GRM8: variants seen among roughly 807,000 people sequenced by gnomAD.
The protein encoded by GRM8 is glutamate metabotropic receptor 8, also known as metabotropic glutamate receptor 8.
Under a neutral mutation model 87.2 loss-of-function variants are expected in GRM8, and 47 were observed. The observed-to-expected ratio is 0.54, with a 90% confidence interval of 0.43 to 0.69. The LOEUF (loss-of-function observed/expected upper bound fraction) is 0.69, where lower values mean the gene tolerates loss of function less well. GRM8 is among the 30% of genes least tolerant of loss of function. The pLI is 0.00. For synonymous variants in GRM8, 396 were observed against 404.5 expected (o/e 0.98, Z 0.25); for missense variants, 1,019 against 1,139.2 (o/e 0.89, Z 1.52).
chr7:126,632,883 G>C (rs1026550122), intron 7 of GRM8, among the ~76,000 whole-genome samples: 1 of 152,036 alleles, frequency 6.6e-6, no homozygotes, highest in South Asian at 2.1e-4. Flanking sequence ...CCTGTCAGAT[G>C]GTAGAGGATA....
At chr7:126,990,091 A>G (rs539908373) in intron 3 of GRM8, among the ~76,000 whole-genome samples, 1 of 152,324 alleles carries the variant, frequency 6.6e-6, no homozygotes, top group Non-Finnish European at 1.5e-5. Context: ...ATTCATACAT[A>G]TATTCCACTA....
At chr7:127,143,419 T>G (rs1828383546) in intron 2 of GRM8, among the ~76,000 whole-genome samples, 1 of 152,158 alleles carries the variant, frequency 6.6e-6, no homozygotes, top group African/African-American at 2.4e-5. Context: ...TTAACTAATA[T>G]CCAGTGTGAT....
intron 7 of GRM8, among the ~76,000 whole-genome samples, chr7:126,710,920 C>T (rs1811032298): frequency 6.6e-6 from 1 of 152,168 alleles, no homozygotes; most frequent in South Asian, 2.1e-4. Flanking sequence ...TGCCTGTAAT[C>T]CCAGTATTTT....
At position 126,438,840 on chromosome 7, in the gene GRM8, C is replaced by T. The variant is rs1010505997; in HGVS notation, c.*279G>A. 1.1e-3 allele frequency: 358 copies of T among 316,824 alleles called. 8 individuals carry two copies. Among genetic ancestry groups the T allele is most frequent in the Non-Finnish European group, 2.9e-4 (49 of 171,838 alleles). 19.6% of individuals were successfully genotyped at this position (316,824 alleles called of 1,614,324 possible). Reference sequence around the variant, plus strand: ...TTTATTTCAACAGCATTTTTTTTCACGAGCTAACATTAGTTTTCCTTTTGT... The same window carrying T: ...TTTATTTCAACAGCATTTTTTTTCATGAGCTAACATTAGTTTTCCTTTTGT... On this transcript the variant is annotated 3_prime_UTR_variant, in exon 11 of 11. Coordinates refer to ENST00000339582, the MANE Select transcript of GRM8 (RefSeq NM_000845.3).
chr7:126,774,543 G>A (rs868781913), intron 6 of GRM8, among the ~76,000 whole-genome samples: 1 of 152,196 alleles, frequency 6.6e-6, no homozygotes, highest in Middle Eastern at 3.4e-3. Flanking sequence ...GAGGAAGTCA[G>A]CCTCCTAAAT....
At chr7:126,844,710 G>A (rs1395972685) in intron 6 of GRM8, among the ~76,000 whole-genome samples, 3 of 152,102 alleles carry the variant, frequency 2.0e-5, no homozygotes, top group African/African-American at 7.2e-5. Context: ...TCTCTTTCTG[G>A]TTTGCAAATG....
chr7:126,567,783 A>C (rs1794359457), intron 8 of GRM8, among the ~76,000 whole-genome samples: 1 of 152,162 alleles, frequency 6.6e-6, no homozygotes, highest in Admixed American at 6.6e-5. Context: ...GACAAAAATA[A>C]GATGTTATAT....
chr7:126,975,339 A>G (rs1278969081), intron 3 of GRM8, among the ~76,000 whole-genome samples: 1 of 152,134 alleles, frequency 6.6e-6, no homozygotes, highest in Non-Finnish European at 1.5e-5. Context: ...TCCAATCTTG[A>G]GATTTGAGGA....
chr7:127,086,007 AAT>A (rs1823436229), intron 3 of GRM8, among the ~76,000 whole-genome samples: 2 of 152,210 alleles, frequency 1.3e-5, no homozygotes, highest in African/African-American at 4.8e-5. Flanking sequence ...ACCTATTGTC[AAT>A]AGAGCGGGCC....
intron 2 of GRM8, among the ~76,000 whole-genome samples, chr7:127,129,083 G>A (rs1249806498): frequency 3.9e-5 from 6 of 152,100 alleles, no homozygotes; most frequent in South Asian, 2.1e-4. Context: ...TTCTTCCTAC[G>A]AATAAATGAT....
At position 127,244,920 on chromosome 7, in the gene GRM8, C is replaced by CA. The variant is rs974913824; in HGVS notation, c.-311-1406dup. 7.9e-4 allele frequency among the ~76,000 whole-genome samples: 120 copies of CA among 152,164 alleles called. 1 individual carries two copies. Among genetic ancestry groups the CA allele is most frequent in the African/African-American group, 2.8e-3 (116 of 41,458 alleles). The stretch of plus-strand genomic sequence containing the variant: ...CCCACTCGGCTGAGATAGTTCTGTG[C>CA]AGCCTAAGACAAGTATTCCCTGCCT... On this transcript the variant is annotated intron_variant, in intron 1 of 10. Transcript: ENST00000339582.
At chr7:126,713,141 G>A (rs936131240) in intron 7 of GRM8, among the ~76,000 whole-genome samples, 1 of 152,106 alleles carries the variant, frequency 6.6e-6, no homozygotes, top group Non-Finnish European at 1.5e-5. Context: ...AAAGACACAT[G>A]CACGTGAATG....
chr7:126,628,322 G>A (rs1800896913), intron 7 of GRM8, among the ~76,000 whole-genome samples: 1 of 152,188 alleles, frequency 6.6e-6, no homozygotes, highest in Non-Finnish European at 1.5e-5. Flanking sequence ...TAGGATTACA[G>A]GCGTGAGCCA....
chr7:126,710,073 A>G (rs1337172579), intron 7 of GRM8, among the ~76,000 whole-genome samples: 1 of 152,232 alleles, frequency 6.6e-6, no homozygotes, highest in African/African-American at 2.4e-5. Flanking sequence ...TATACTCTAT[A>G]ATAGTCTACT....
chr7:126,755,807 G>A (rs1271711889), intron 7 of GRM8, among the ~76,000 whole-genome samples: 3 of 151,852 alleles, frequency 2.0e-5, no homozygotes, highest in Non-Finnish European at 4.4e-5. Context: ...TTCTGATGGT[G>A]TCAATTGAAA....
chr7:126,576,942 G>C (rs1157505151), intron 8 of GRM8, among the ~76,000 whole-genome samples: 1 of 152,304 alleles, frequency 6.6e-6, no homozygotes, highest in East Asian at 1.9e-4. Context: ...CACAGGTTGT[G>C]CAAGCTTTTG....
At chr7:127,150,047 CTA>C (rs1563543869) in intron 2 of GRM8, among the ~76,000 whole-genome samples, 1 of 152,002 alleles carries the variant, frequency 6.6e-6, no homozygotes, top group Admixed American at 6.6e-5. Context: ...CAAAGGGTAA[CTA>C]TGTGAGATAA....
chr7:127,016,252 A>C (rs527341208), intron 3 of GRM8, among the ~76,000 whole-genome samples: 2 of 152,200 alleles, frequency 1.3e-5, no homozygotes, highest in African/African-American at 4.8e-5. Context: ...TTTTTGAGGC[A>C]CTATTCCTCC....
intron 3 of GRM8, among the ~76,000 whole-genome samples, chr7:127,019,584 T>C (rs1172391838): frequency 6.6e-6 from 1 of 152,064 alleles, no homozygotes; most frequent in Non-Finnish European, 1.5e-5. Flanking sequence ...GACACTGCCA[T>C]TTTGCAGGAT....
Sources: allele counts gnomAD v4.1 joint callset (sites outside exome capture counted in the v4.1 genomes callset), GRCh38; gene constraint gnomAD v4.1.1; transcripts MANE v1.5; gene names NCBI Gene and HGNC (gene_info 2026-07-23, HGNC 2026-07-21).